Variants in IDE observed in about 807,000 individuals in gnomAD.
IDE encodes insulin-degrading enzyme.
In IDE, 58 loss-of-function variants were observed where a neutral mutation model predicts 133.2. The observed-to-expected ratio is 0.44, with a 90% CI of 0.35 to 0.54. IDE has a LOEUF of 0.54. IDE is among the 20% of genes least tolerant of loss of function. IDE has a pLI of 0.00. For synonymous variants in IDE, 396 were observed against 421.3 expected, an observed-to-expected ratio of 0.94 and a Z score of 0.73; for missense variants, 981 against 1,234.0, an observed-to-expected ratio of 0.79 and a Z score of 3.07.
At chr10:92,465,169 C>G (rs1010728278) in intron 20 of IDE, among the ~76,000 whole-genome samples, 2 of 152,144 alleles carry the variant, frequency 1.3e-5, no homozygotes, top group East Asian at 3.8e-4. Context: ...TTCACTGGTT[C>G]CTTTCTGTCA....
At chr10:92,513,895 A>G (rs933816835) in intron 5 of IDE, among the ~76,000 whole-genome samples, 2 of 152,064 alleles carry the variant, frequency 1.3e-5, no homozygotes, top group African/African-American at 4.8e-5. Flanking sequence ...GACAACAAAA[A>G]CACACAAATA....
chr10:92,560,477 A>T (rs990980133), intron 1 of IDE, among the ~76,000 whole-genome samples: 2 of 152,136 alleles, frequency 1.3e-5, no homozygotes, highest in Non-Finnish European at 2.9e-5. Flanking sequence ...AACTCAAGAG[A>T]TGCCTCAAAG....
At chr10:92,504,339 A>G (rs1848181507) in intron 11 of IDE, among the ~76,000 whole-genome samples, 1 of 152,144 alleles carries the variant, frequency 6.6e-6, no homozygotes, top group Non-Finnish European at 1.5e-5. Context: ...TTTCCAGGTT[A>G]ACCACTGGTC....
chr10:92,573,868 C>T (rs1006082080), intron 1 of IDE, 54 bp downstream of exon 1: 19 of 1,278,568 alleles, frequency 1.5e-5, no homozygotes, highest in South Asian at 3.2e-5. Flanking sequence ...AACCCGAGCG[C>T]CAAACCGCTG....
chr10:92,500,852 C>G (rs907935426), intron 11 of IDE, among the ~76,000 whole-genome samples: 6 of 151,536 alleles, frequency 4.0e-5, no homozygotes. Context: ...AACAGCCTGG[C>G]CAACATGGTG....
rs746744226 is a variant in IDE at position 92,479,345 on chromosome 10, C to T, written c.1816G>A (p.Glu606Lys). ...GCTAGCTCTGCTGCATATGCATACT[C>T]GTTGAGTGAGTCTTTGAGGAGCTCA... Reference protein sequence around the residue: ...YLELLKDSLNEYAYAAELAGL... With the variant: ...YLELLKDSLNKYAYAAELAGL... Residue 606 changes from glutamate (E) to lysine (K), a missense_variant, in exon 15 of 25, where the codon GAG becomes AAG. Transcript: ENST00000265986. 6 of 1,613,662 alleles carry T rather than the reference C, an allele frequency of 3.7e-6. No individual in the cohort carries two copies. The highest frequency in any genetic ancestry group is 1.7e-5 in the Admixed American group (1 of 60,020).
Position 92,537,358 on chromosome 10 carries a change from A to T in IDE, c.283+8T>A. The T allele has an allele frequency of 2.5e-6, 4 of 1,579,928 alleles. No homozygotes were observed. The East Asian group carries it at 9.0e-5, about 35-fold the overall frequency. Reference sequence around the variant, plus strand: ...AAACAAAGCTTAATTCACAATTTTCAATTGTACCTATGTGCACATCAAGTG... The same window carrying T: ...AAACAAAGCTTAATTCACAATTTTCTATTGTACCTATGTGCACATCAAGTG... On this transcript the variant is annotated splice_region_variant and intron_variant, in intron 2 of 24. Transcript: ENST00000265986.
intron 21 of IDE, among the ~76,000 whole-genome samples, chr10:92,462,595 G>A (rs1564592386): frequency 6.6e-6 from 1 of 152,018 alleles, no homozygotes; most frequent in Non-Finnish European, 1.5e-5. Flanking sequence ...CAACAAGAGC[G>A]AAACTCCATC....
At chr10:92,499,631 C>T (rs1847902743) in intron 11 of IDE, among the ~76,000 whole-genome samples, 1 of 152,100 alleles carries the variant, frequency 6.6e-6, no homozygotes, top group South Asian at 2.1e-4. Context: ...GGGGTTTCAT[C>T]ATGTTGCCCA....
At chr10:92,527,058 C>T (rs1445923080) in intron 4 of IDE, among the ~76,000 whole-genome samples, 1 of 152,062 alleles carries the variant, frequency 6.6e-6, no homozygotes, top group African/African-American at 2.4e-5. Context: ...TGGTTCATCT[C>T]TATCTTCATG....
chr10:92,478,728 T>C, intron 15 of IDE: 17 of 1,282,584 alleles, frequency 1.3e-5, no homozygotes, highest in Non-Finnish European at 1.7e-5. Context: ...AAATCATCCT[T>C]CAATAACCTG....
chr10:92,479,555 T>C, intron 14 of IDE, 134 bp from the exon 15 acceptor site: 1 of 681,500 alleles, frequency 1.5e-6, no homozygotes, highest in South Asian at 2.0e-5. Flanking sequence ...CTTGAGGCTA[T>C]TTCTTATGAG....
In IDE at chr10:92,487,312, G is replaced by T; in HGVS notation, c.1540C>A (p.Gln514Lys). 1 of 1,609,308 alleles carries T rather than the reference G, an allele frequency of 6.2e-7. No individual in the cohort carries two copies. The highest frequency in any genetic ancestry group is 8.5e-7 in the Non-Finnish European group (1 of 1,177,942). Residue 514 changes from glutamine to lysine, a missense_variant, in exon 13 of 25, where the codon CAA (glutamine) becomes AAA (lysine). Gln to Lys is a moderately conservative substitution (Grantham distance 53). Transcript: ENST00000265986. ...AIPDEVIKKWQNADLNGKFKL... is the reference protein window; with the variant it reads ...AIPDEVIKKWKNADLNGKFKL... ...AATTTCCCATTCAGGTCAGCATTTT[G>T]CCATTTCTGGATGAATAATGAAACA...
At chr10:92,512,983 A>T (rs963715711) in intron 5 of IDE, among the ~76,000 whole-genome samples, 2 of 152,242 alleles carry the variant, frequency 1.3e-5, no homozygotes, top group African/African-American at 4.8e-5. Flanking sequence ...TACAAATGTG[A>T]AAACTGAAGT....
Position 92,514,963 on chromosome 10 carries a change from A to C in IDE, c.741T>G (p.Ala247=), listed in dbSNP as rs1479882973. ...VRQELLKFHS[A]YYSSNLMAVC... Reference sequence around the variant, plus strand: ...CAGCCATTAAGTTGGATGAATAGTAAGCAGAATGGAATTTCAGTAGCTCTT... The same window carrying C: ...CAGCCATTAAGTTGGATGAATAGTACGCAGAATGGAATTTCAGTAGCTCTT... Residue 247 remains alanine (A), a synonymous_variant, in exon 5 of 25, where the codon GCT becomes GCG. Coordinates refer to ENST00000265986, the MANE Select transcript of IDE (RefSeq NM_004969.4). 1 of 1,613,004 alleles carries C rather than the reference A, an allele frequency of 6.2e-7. No individual in the cohort carries two copies. Among genetic ancestry groups the C allele is most frequent in the East Asian group, 2.2e-5 (1 of 44,804 alleles).
intron 3 of IDE, among the ~76,000 whole-genome samples, chr10:92,532,282 A>C (rs1338227468): frequency 6.7e-6 from 1 of 148,982 alleles, no homozygotes; most frequent in African/African-American, 2.6e-5. Context: ...AAAAAAAAAA[A>C]GAGAAAGAAA....
chr10:92,496,020 GC>G (rs1237283794), intron 11 of IDE, among the ~76,000 whole-genome samples: 3 of 151,814 alleles, frequency 2.0e-5, no homozygotes, highest in Non-Finnish European at 2.9e-5. Flanking sequence ...GATTACAGGT[GC>G]CTGCCACCAT....
chr10:92,495,087 G>A (rs567610963), intron 11 of IDE, among the ~76,000 whole-genome samples: 8 of 150,586 alleles, frequency 5.3e-5, no homozygotes, highest in East Asian at 3.9e-4. Context: ...TTTTTGAGAC[G>A]GAGTCTTGCT....
intron 4 of IDE, among the ~76,000 whole-genome samples, chr10:92,522,149 T>C (rs1047124812): frequency 6.6e-6 from 1 of 152,148 alleles, no homozygotes; most frequent in Non-Finnish European, 1.5e-5. Context: ...TAGAGTCTGA[T>C]TTGGTGTGTT....
Sources: allele counts gnomAD v4.1 joint callset (sites outside exome capture counted in the v4.1 genomes callset), GRCh38; gene constraint gnomAD v4.1.1; transcripts MANE v1.5; gene names NCBI Gene and HGNC (gene_info 2026-07-23, HGNC 2026-07-21).